Variants in FMN1 observed in about 807,000 individuals in gnomAD.
The protein encoded by FMN1 is formin 1.
Under a neutral mutation model 132.4 loss-of-function variants are expected in FMN1, and 110 were observed. That is an observed-to-expected ratio of 0.83 (90% CI 0.71 to 0.97). The LOEUF (loss-of-function observed/expected upper bound fraction) is 0.97. FMN1 is among the 50% of genes least tolerant of loss of function. The probability of loss-of-function intolerance (pLI) is 0.00; values close to 1 mark genes in which losing one functional copy is unlikely to be tolerated. For synonymous variants in FMN1, 722 were observed against 651.7 expected, an observed-to-expected ratio of 1.11 and a Z score of -1.64; for missense variants, 1,792 against 1,705.3, an observed-to-expected ratio of 1.05 and a Z score of -0.90.
intron 16 of FMN1, among the ~76,000 whole-genome samples, chr15:32,882,696 G>A (rs1283652368): frequency 6.6e-6 from 1 of 152,090 alleles, no homozygotes; most frequent in Admixed American, 6.5e-5. Context: ...ATTTTTTAGT[G>A]TAAGTGTGTA....
chr15:32,937,276 A>T (rs2061298162), intron 9 of FMN1, among the ~76,000 whole-genome samples: 4 of 152,196 alleles, frequency 2.6e-5, no homozygotes, highest in African/African-American at 7.2e-5. Context: ...TGAACATTAG[A>T]CATAAGATCC....
At chr15:32,798,211 CA>C (rs1244047343) in intron 19 of FMN1, among the ~76,000 whole-genome samples, 1 of 145,124 alleles carries the variant, frequency 6.9e-6, no homozygotes, top group African/African-American at 2.6e-5. Flanking sequence ...CACACACACA[CA>C]CACACCCCGT....
At chr15:33,142,182 A>T (rs114895288) in intron 4 of FMN1, among the ~76,000 whole-genome samples, 5 of 152,154 alleles carry the variant, frequency 3.3e-5, no homozygotes, top group Non-Finnish European at 4.4e-5. Context: ...CTCCCTTGAT[A>T]TGAATATCTA....
At chr15:32,901,232 T>C (rs971769245) in intron 13 of FMN1, among the ~76,000 whole-genome samples, 3 of 152,308 alleles carry the variant, frequency 2.0e-5, no homozygotes, top group African/African-American at 7.2e-5. Flanking sequence ...GCCTTTCAGG[T>C]ATTATTAGTG....
chr15:32,878,009 A>T (rs1347192865), intron 16 of FMN1, among the ~76,000 whole-genome samples: 2 of 152,182 alleles, frequency 1.3e-5, no homozygotes, highest in Non-Finnish European at 2.9e-5. Flanking sequence ...CAAACAAATA[A>T]ATAGAAAATA....
chr15:32,976,039 T>C (rs866957945), intron 7 of FMN1, among the ~76,000 whole-genome samples: 31 of 152,130 alleles, frequency 2.0e-4, no homozygotes, highest in African/African-American at 7.0e-4. Context: ...AAAGACATCG[T>C]GTTGGTGCCA....
At chr15:33,016,236 C>G (rs931964604) in intron 6 of FMN1, among the ~76,000 whole-genome samples, 2 of 152,118 alleles carry the variant, frequency 1.3e-5, no homozygotes, top group Non-Finnish European at 2.9e-5. Context: ...AATACAAATT[C>G]AAACAAACTC....
intron 5 of FMN1, among the ~76,000 whole-genome samples, chr15:33,069,134 T>C (rs1469990136): frequency 1.3e-5 from 2 of 152,182 alleles, no homozygotes; most frequent in Non-Finnish European, 2.9e-5. Context: ...CAGACCCAAT[T>C]TGCCTCAACA....
intron 9 of FMN1, among the ~76,000 whole-genome samples, chr15:32,961,222 C>T (rs1278675063): frequency 1.3e-5 from 2 of 150,384 alleles, no homozygotes; most frequent in African/African-American, 5.0e-5. Flanking sequence ...CAACCTCTGC[C>T]TCCTGGGTTA....
At position 32,774,035 on chromosome 15, in the gene FMN1, T is replaced by C; in HGVS notation, c.*275A>G. Reference sequence around the variant, plus strand: ...ATTTTGGAAACATTTTGGTATTTCTTCTGCTCTTAGAGTGGACTTTGGGCT... The same window carrying C: ...ATTTTGGAAACATTTTGGTATTTCTCCTGCTCTTAGAGTGGACTTTGGGCT... On this transcript the variant is annotated 3_prime_UTR_variant, in exon 21 of 21. Transcript: ENST00000616417. 2.2e-6 allele frequency: 1 copy of C among 451,630 alleles called. No homozygotes were observed. Among genetic ancestry groups the C allele is most frequent in the South Asian group, 3.5e-5 (1 of 28,880 alleles). The allele number at this position is 451,630 out of a possible 1,614,324, so 28.0% of individuals were successfully genotyped here.
intron 9 of FMN1, among the ~76,000 whole-genome samples, chr15:32,948,244 T>A (rs751758163): frequency 7.2e-5 from 11 of 152,022 alleles, no homozygotes; most frequent in African/African-American, 1.2e-4. Flanking sequence ...CATTTACTAA[T>A]TTTGAATCAA....
chr15:32,810,196 C>T (rs1304449987), intron 17 of FMN1, among the ~76,000 whole-genome samples: 3 of 152,198 alleles, frequency 2.0e-5, no homozygotes, highest in Non-Finnish European at 4.4e-5. Flanking sequence ...GGATTACAGG[C>T]GTGAGCCACC....
At chr15:32,857,347 C>T (rs563925979) in intron 16 of FMN1, among the ~76,000 whole-genome samples, 96 of 152,290 alleles carry the variant, frequency 6.3e-4, no homozygotes, top group Non-Finnish European at 1.1e-3. Flanking sequence ...TACAATCCTT[C>T]CATTTTTCTT....
intron 16 of FMN1, among the ~76,000 whole-genome samples, chr15:32,873,463 T>C (rs1005947118): frequency 6.6e-6 from 1 of 152,290 alleles, no homozygotes; most frequent in Non-Finnish European, 1.5e-5. Flanking sequence ...TGATCCTACC[T>C]CTCTCTTGAG....
chr15:32,902,795 C>T (rs895442766), intron 12 of FMN1, among the ~76,000 whole-genome samples: 3 of 152,094 alleles, frequency 2.0e-5, no homozygotes, highest in Non-Finnish European at 4.4e-5. Flanking sequence ...TTGGAAAGAG[C>T]GACATACTCT....
chr15:32,811,668 GCTT>G (rs1436299613), intron 17 of FMN1, among the ~76,000 whole-genome samples: 1 of 147,298 alleles, frequency 6.8e-6, no homozygotes, highest in Non-Finnish European at 1.5e-5. Context: ...CATTTTATTT[GCTT>G]TTTTTTTTTT....
intron 10 of FMN1, among the ~76,000 whole-genome samples, chr15:32,911,036 G>C (rs1013228477): frequency 1.3e-5 from 2 of 152,118 alleles, no homozygotes; most frequent in African/African-American, 2.4e-5. Flanking sequence ...GGATTAAAAA[G>C]ACAAGAAAAA....
intron 4 of FMN1, among the ~76,000 whole-genome samples, chr15:33,132,309 A>G (rs1963582670): frequency 6.6e-6 from 1 of 152,052 alleles, no homozygotes; most frequent in South Asian, 2.1e-4. Flanking sequence ...CTCTATAACC[A>G]CACTTCTCAT....
At chr15:33,017,753 T>C (rs1191927825) in intron 6 of FMN1, among the ~76,000 whole-genome samples, 2 of 152,186 alleles carry the variant, frequency 1.3e-5, no homozygotes, top group African/African-American at 2.4e-5. Context: ...ATGGTTTGAA[T>C]GTTTGTGTCC....
Sources: gnomAD v4.1 joint callset for allele counts (sites outside exome capture counted in the v4.1 genomes callset) on GRCh38, gnomAD v4.1.1 for gene constraint, MANE v1.5 for transcripts, NCBI Gene and HGNC (gene_info 2026-07-23, HGNC 2026-07-21) for gene names.